Variants in ADAM2 observed in about 807,000 individuals in gnomAD.
ADAM2 encodes the protein ADAM metallopeptidase domain 2, also known as disintegrin and metalloproteinase domain-containing protein 2.
Under a neutral mutation model 99.3 loss-of-function variants are expected in ADAM2, and 101 were observed. The observed-to-expected ratio is 1.02, with a 90% CI of 0.87 to 1.20. The LOEUF (loss-of-function observed/expected upper bound fraction) is 1.20, where lower values mean the gene tolerates loss of function less well. Among genes scored for constraint, ADAM2 ranks in the 50% most tolerant of loss-of-function variants. ADAM2 has a pLI of 0.00. For missense variants in ADAM2, 948 were observed against 878.7 expected (o/e 1.08, Z -1.00); for synonymous variants, 323 against 287.6 (o/e 1.12, Z -1.25).
intron 7 of ADAM2, among the ~76,000 whole-genome samples, chr8:39,794,073 G>T (rs1427307670): frequency 1.3e-5 from 2 of 152,132 alleles, no homozygotes; most frequent in African/African-American, 4.8e-5. Flanking sequence ...ATCCAGATTT[G>T]CATGTGTTTT....
At chr8:39,761,630 T>TAG (rs1456639306) in intron 14 of ADAM2, among the ~76,000 whole-genome samples, 1 of 152,200 alleles carries the variant, frequency 6.6e-6, no homozygotes, top group Non-Finnish European at 1.5e-5. Flanking sequence ...TAAACAGTTT[T>TAG]AGCATGAATG....
chr8:39,805,946 T>A (rs538582440), intron 7 of ADAM2, among the ~76,000 whole-genome samples: 1 of 152,276 alleles, frequency 6.6e-6, no homozygotes, highest in South Asian at 2.1e-4. Context: ...ATAGTCATGG[T>A]AGTCAGGAAT....
chr8:39,806,364 T>C (rs1305721407), intron 7 of ADAM2, among the ~76,000 whole-genome samples: 2 of 151,622 alleles, frequency 1.3e-5, no homozygotes, highest in Non-Finnish European at 2.9e-5. Context: ...AACAGAAGAA[T>C]AGAAACAACG....
chr8:39,749,579 G>T, intron 17 of ADAM2, 88 bp downstream of exon 17: 1 of 1,284,290 alleles, frequency 7.8e-7, no homozygotes, highest in Non-Finnish European at 1.1e-6. Context: ...GTGTGTGTGT[G>T]TGTGTGCGTG....
At chr8:39,749,275 T>C in intron 18 of ADAM2, 37 bp downstream of exon 18, 1 of 1,527,460 alleles carries the variant, frequency 6.5e-7, no homozygotes, top group Non-Finnish European at 8.9e-7. Flanking sequence ...ATTCAAATTA[T>C]GTTTTAATTA....
At position 39,755,830 on chromosome 8, in the gene ADAM2, G is replaced by A; in HGVS notation, c.1695C>T (p.Ala565=). The A allele has an allele frequency of 6.2e-7, 1 of 1,605,884 alleles. No individual in the cohort carries two copies. ...CAATGCAGAGATGTCCACTTATGTT[G>A]GCATAAATAATAGTGGCTCTTGGAA... The part of the protein sequence containing the change: ...LQIPRATIIY[A]NISGHLCIAV... Residue 565 remains alanine, a synonymous_variant, in exon 16 of 21, where the codon GCC becomes GCT. Transcript: ENST00000265708.
intron 6 of ADAM2, chr8:39,818,172 A>AT: frequency 6.6e-6 from 1 of 152,186 alleles, no homozygotes; most frequent in South Asian, 2.1e-4. Context: ...AATGAAAAAA[A>AT]TCTTCAAAAT....
intron 7 of ADAM2, among the ~76,000 whole-genome samples, chr8:39,793,616 A>G (rs1803810294): frequency 6.6e-6 from 1 of 152,060 alleles, no homozygotes; most frequent in African/African-American, 2.4e-5. Context: ...TAAGAACTCA[A>G]AGTCTTTTGC....
chr8:39,803,995 G>C (rs1331173813), intron 7 of ADAM2, among the ~76,000 whole-genome samples: 2 of 152,170 alleles, frequency 1.3e-5, no homozygotes, highest in Non-Finnish European at 2.9e-5. Flanking sequence ...TGGAATTCTA[G>C]TGTTAGACTG....
At chr8:39,772,192 A>G (rs967618749) in intron 11 of ADAM2, among the ~76,000 whole-genome samples, 1 of 150,756 alleles carries the variant, frequency 6.6e-6, no homozygotes, top group African/African-American at 2.4e-5. Context: ...TTGAATCTTC[A>G]TGGAGATTTG....
chr8:39,817,622 C>T (rs1012444292), intron 6 of ADAM2, among the ~76,000 whole-genome samples: 2 of 151,966 alleles, frequency 1.3e-5, no homozygotes, highest in East Asian at 3.8e-4. Context: ...TATTATCTGT[C>T]AGTTAAACAT....
chr8:39,823,731 ATGTG>A (rs1805290142), intron 4 of ADAM2, among the ~76,000 whole-genome samples: 1 of 151,942 alleles, frequency 6.6e-6, no homozygotes, highest in South Asian at 2.1e-4. Context: ...ACACATATGT[ATGTG>A]TGTGTATAAC....
chr8:39,785,753 T>G (rs1803439433), intron 10 of ADAM2, among the ~76,000 whole-genome samples: 1 of 148,212 alleles, frequency 6.7e-6, no homozygotes, highest in South Asian at 2.1e-4. Context: ...AACGAGATTG[T>G]GCTATTGCAC....
intron 19 of ADAM2, 27 bp downstream of exon 19, chr8:39,746,445 C>G (rs775253522): frequency 2.1e-6 from 3 of 1,438,318 alleles, no homozygotes; most frequent in Non-Finnish European, 2.8e-6. Context: ...ATACAAATAA[C>G]AAATCTTAAA....
chr8:39,751,240 T>C (rs1434880925), intron 16 of ADAM2, among the ~76,000 whole-genome samples: 2 of 152,214 alleles, frequency 1.3e-5, no homozygotes, highest in African/African-American at 4.8e-5. Context: ...TACAGATTAG[T>C]GCTGCTGTAG....
chr8:39,761,189 G>A lies in ADAM2; in HGVS notation c.1600C>T (p.Gln534Ter), dbSNP rs763783680. 1.8e-5 allele frequency: 28 copies of A among 1,590,048 alleles called. No homozygotes were observed. Among genetic ancestry groups the A allele is most frequent in the Non-Finnish European group, 2.2e-5 (26 of 1,165,286 alleles). The change falls in exon 15 of 21, where the codon CAG becomes TAG. Residue 534 changes from glutamine (Q) to a stop codon, truncating the protein, a stop_gained. Coordinates refer to ENST00000265708, the MANE Select transcript of ADAM2 (RefSeq NM_001464.5). LOFTEE classifies it high-confidence loss of function. ...CTGAAAACATACTCAGCTTCACACTGTGTGTATCCTGAATCACTTATACCA... is the reference window on the plus strand; with the variant it reads ...CTGAAAACATACTCAGCTTCACACTATGTGTATCCTGAATCACTTATACCA... ...NCGISDSGYT[Q>*]CEADNLQCGK... is the part of the protein sequence containing the mutation.
intron 16 of ADAM2, among the ~76,000 whole-genome samples, chr8:39,755,190 G>A (rs1054657221): frequency 5.9e-5 from 9 of 152,056 alleles, no homozygotes; most frequent in African/African-American, 9.7e-5. Context: ...AATGAACAAC[G>A]CAGTTCTCAA....
intron 11 of ADAM2, among the ~76,000 whole-genome samples, chr8:39,770,782 G>A (rs1398857298): frequency 6.6e-6 from 1 of 152,074 alleles, no homozygotes; most frequent in Non-Finnish European, 1.5e-5. Flanking sequence ...GAAACCTTGA[G>A]GTTATCTTAT....
At chr8:39,793,098 G>A (rs2129585761) in intron 7 of ADAM2, among the ~76,000 whole-genome samples, 1 of 152,170 alleles carries the variant, frequency 6.6e-6, no homozygotes, top group South Asian at 2.1e-4. Context: ...AAAGGCATTG[G>A]CTTAAATCTA....
Sources: gnomAD v4.1 joint callset for allele counts (sites outside exome capture counted in the v4.1 genomes callset) on GRCh38, gnomAD v4.1.1 for gene constraint, MANE v1.5 for transcripts, NCBI Gene and HGNC (gene_info 2026-07-23, HGNC 2026-07-21) for gene names.